The following ABCC8 variants were observed in gnomAD, a reference collection of about 807,000 sequenced individuals.
The protein encoded by ABCC8 is ATP-binding cassette sub-family C member 8.
In ABCC8, 137 loss-of-function variants were observed where a neutral mutation model predicts 188.0. The observed-to-expected ratio is 0.73, with a 90% CI of 0.63 to 0.84. The LOEUF (loss-of-function observed/expected upper bound fraction) is 0.84, where lower values mean the gene tolerates loss of function less well. Among genes scored for constraint, ABCC8 ranks in the 40% least tolerant of loss-of-function variants. The probability of loss-of-function intolerance (pLI) is 0.00; values close to 1 mark genes in which losing one functional copy is unlikely to be tolerated. For missense variants in ABCC8, 1,750 were observed against 2,072.7 expected, an observed-to-expected ratio of 0.84 and a Z score of 3.02; for synonymous variants, 797 against 846.5, an observed-to-expected ratio of 0.94 and a Z score of 1.01.
At chr11:17,414,705 A>G in intron 18 of ABCC8, 95 bp from the exon 19 acceptor site, 1 of 1,589,338 alleles carries the variant, frequency 6.3e-7, no homozygotes, top group Non-Finnish European at 8.5e-7. Flanking sequence ...AGATGGAGGC[A>G]AGGGGATGGG....
chr11:17,443,633 T>C (rs1956410938), intron 8 of ABCC8, among the ~76,000 whole-genome samples: 2 of 152,166 alleles, frequency 1.3e-5, no homozygotes, highest in African/African-American at 4.8e-5. Flanking sequence ...TTGCACAATG[T>C]TTGTGACAGC....
intron 8 of ABCC8, among the ~76,000 whole-genome samples, chr11:17,445,629 T>G (rs533761967): frequency 6.6e-6 from 1 of 152,370 alleles, no homozygotes; most frequent in East Asian, 1.9e-4. Context: ...CCACATGAGT[T>G]TCTTTGCCAT....
At chr11:17,456,040 GT>G (rs1564968134) in intron 6 of ABCC8, among the ~76,000 whole-genome samples, 9 of 152,040 alleles carry the variant, frequency 5.9e-5, no homozygotes, top group South Asian at 4.2e-4. Context: ...CGAGAAGAGG[GT>G]CCTAGGAAAC....
At chr11:17,426,671 C>T (rs767474248) in intron 16 of ABCC8, among the ~76,000 whole-genome samples, 4 of 152,250 alleles carry the variant, frequency 2.6e-5, no homozygotes, top group South Asian at 4.2e-4. Context: ...AAATTACTGC[C>T]GTGCATCTGA....
At chr11:17,457,766 G>A (rs1231545079) in intron 6 of ABCC8, among the ~76,000 whole-genome samples, 1 of 152,158 alleles carries the variant, frequency 6.6e-6, no homozygotes, top group Non-Finnish European at 1.5e-5. Context: ...TCGTCCTTGC[G>A]GATACCAAGG....
intron 37 of ABCC8, 118 bp downstream of exon 37, chr11:17,394,148 C>T (rs1720768523): frequency 2.3e-6 from 3 of 1,332,520 alleles, no homozygotes; most frequent in Non-Finnish European, 3.2e-6. Flanking sequence ...TTCTGCAACA[C>T]ATAGCATTTG....
chr11:17,409,659 C>G (rs914767558), intron 22 of ABCC8, among the ~76,000 whole-genome samples: 1 of 152,034 alleles, frequency 6.6e-6, no homozygotes, highest in Non-Finnish European at 1.5e-5. Context: ...CAGCCTGAAG[C>G]TCAAAGAGGG....
Position 17,393,093 on chromosome 11 carries a change from C to T in ABCC8, c.4644G>A (p.Val1548=). ...GGATGGCACCCCGCTTCAGGACGAT[C>T]ACCAGGTCTGCACTCAGGATGGTGT... ...RVHTILSADL[V]IVLKRGAILE... is the part of the protein sequence containing the mutation. Residue 1548 remains valine, a synonymous_variant, in exon 39 of 39, where the codon GTG becomes GTA. Coordinates refer to ENST00000389817, the MANE Select transcript of ABCC8 (RefSeq NM_000352.6). 1 of 1,614,022 alleles carries T rather than the reference C, an allele frequency of 6.2e-7. No homozygotes were observed. Among genetic ancestry groups the T allele is most frequent in the Non-Finnish European group, 8.5e-7 (1 of 1,180,024 alleles).
chr11:17,462,742 G>A (rs868001728), intron 4 of ABCC8, among the ~76,000 whole-genome samples: 1 of 152,116 alleles, frequency 6.6e-6, no homozygotes, highest in African/African-American at 2.4e-5. Context: ...CATATCAGAT[G>A]GCTTGGAGGG....
chr11:17,426,536 T>C (rs1359579260), intron 16 of ABCC8, among the ~76,000 whole-genome samples: 1 of 152,238 alleles, frequency 6.6e-6, no homozygotes, highest in Admixed American at 6.5e-5. Flanking sequence ...CAGTGATCTT[T>C]GCCCAGAAAC....
chr11:17,401,166 A>C (rs1241833479), intron 29 of ABCC8, among the ~76,000 whole-genome samples: 5 of 152,218 alleles, frequency 3.3e-5, no homozygotes, highest in African/African-American at 1.2e-4. Flanking sequence ...ACACCAATTG[A>C]GAGAGGGAAA....
At chr11:17,408,264 C>T (rs1312337017) in intron 23 of ABCC8, 128 bp downstream of exon 23, 4 of 899,346 alleles carry the variant, frequency 4.4e-6, no homozygotes, top group Non-Finnish European at 6.9e-6. Context: ...AGTTCATGCC[C>T]AGCTCCCACA....
chr11:17,453,044 GGA>G, intron 7 of ABCC8, 73 bp downstream of exon 7: 5 of 1,299,382 alleles, frequency 3.8e-6, no homozygotes, highest in Non-Finnish European at 5.6e-6. Flanking sequence ...GTGTCCATGA[GGA>G]TGAATAACAC....
At position 17,431,075 on chromosome 11, in the gene ABCC8, G is replaced by T. The variant is rs981917424; in HGVS notation, c.1672-116C>A. ...GGGCTGTCAGGGAGCAGGCTCCTAA[G>T]AGGATCTTTTAGTTGGAGACACCTT... On this transcript the variant is annotated intron_variant, in intron 11 of 38. Coordinates refer to ENST00000389817, the MANE Select transcript of ABCC8 (RefSeq NM_000352.6). 5.3e-6 allele frequency: 8 copies of T among 1,506,452 alleles called. No homozygotes were observed. The African/African-American group carries it at 1.1e-4, about 21-fold the overall frequency. 93.3% of individuals were successfully genotyped at this position (1,506,452 alleles called of 1,614,324 possible). A position where few individuals can be genotyped will look rare whatever the true frequency, so the allele number is the denominator to read the frequency against.
chr11:17,393,165 G>A, intron 38 of ABCC8, 37 bp from the exon 39 acceptor site: 1 of 1,601,806 alleles, frequency 6.2e-7, no homozygotes, highest in Non-Finnish European at 8.5e-7. Flanking sequence ...AGGATGGTGG[G>A]AATACCACCC....
intron 29 of ABCC8, chr11:17,398,646 C>A: frequency 2.0e-6 from 1 of 504,286 alleles, no homozygotes; most frequent in Non-Finnish European, 2.6e-6. Context: ...CCACCTCCTC[C>A]AAACTCTTGT....
At chr11:17,460,933 T>C (rs1052922822) in intron 5 of ABCC8, 2 of 623,090 alleles carry the variant, frequency 3.2e-6, no homozygotes, top group African/African-American at 3.7e-5. Context: ...TCAGGGACTA[T>C]GTGATGAGCA....
intron 23 of ABCC8, 88 bp from the exon 24 acceptor site, chr11:17,407,541 G>T: frequency 1.3e-6 from 2 of 1,587,982 alleles, no homozygotes; most frequent in South Asian, 2.3e-5. Flanking sequence ...CTCTGGTGAT[G>T]ACCAATGTCA....
chr11:17,447,358 G>T (rs1039817667), intron 8 of ABCC8, among the ~76,000 whole-genome samples: 2 of 152,096 alleles, frequency 1.3e-5, no homozygotes, highest in African/African-American at 4.8e-5. Context: ...TTATTGGGGG[G>T]TAATGTACCT....
Sources: gnomAD v4.1 joint callset for allele counts (sites outside exome capture counted in the v4.1 genomes callset) on GRCh38, gnomAD v4.1.1 for gene constraint, MANE v1.5 for transcripts, NCBI Gene and HGNC (gene_info 2026-07-23, HGNC 2026-07-21) for gene names.